Variants in UBE2H observed in about 807,000 individuals in gnomAD.
UBE2H encodes the protein ubiquitin conjugating enzyme E2 H.
UBE2H carries 3 observed loss-of-function variants against 29.0 expected under a neutral mutation model. The ratio of observed to expected loss-of-function variants is 0.10; its 90% confidence interval spans 0.05 to 0.27. UBE2H has a LOEUF of 0.27. Among genes scored for constraint, UBE2H ranks in the 10% least tolerant of loss-of-function variants. The probability of loss-of-function intolerance (pLI) is 1.00; values close to 1 mark genes in which losing one functional copy is unlikely to be tolerated. For synonymous variants in UBE2H, 69 were observed against 82.9 expected (o/e 0.83, Z 0.91); for missense variants, 68 against 228.2 (o/e 0.30, Z 4.52).
intron 1 of UBE2H, among the ~76,000 whole-genome samples, chr7:129,944,829 A>T (rs1807730483): frequency 6.6e-6 from 1 of 152,214 alleles, no homozygotes; most frequent in South Asian, 2.1e-4. Context: ...ATATCCATAC[A>T]ATGTTCATAG....
chr7:129,888,815 T>C (rs1371064909), intron 1 of UBE2H, among the ~76,000 whole-genome samples: 2 of 152,162 alleles, frequency 1.3e-5, no homozygotes, highest in African/African-American at 4.8e-5. Flanking sequence ...TCCAGAAGTT[T>C]GAAGTCTAGC....
intron 1 of UBE2H, among the ~76,000 whole-genome samples, chr7:129,915,952 CTCTA>C (rs934510903): frequency 1.3e-5 from 2 of 152,164 alleles, no homozygotes; most frequent in African/African-American, 4.8e-5. Flanking sequence ...ATTCCTTGAC[CTCTA>C]TCTGCCTCGT....
intron 1 of UBE2H, among the ~76,000 whole-genome samples, chr7:129,924,580 A>T (rs1257806973): frequency 6.6e-6 from 1 of 151,450 alleles, no homozygotes. Context: ...AGAAGGCAAT[A>T]CCAGGTATAC....
At chr7:129,875,018 G>T (rs1210668222) in intron 3 of UBE2H, among the ~76,000 whole-genome samples, 1 of 152,164 alleles carries the variant, frequency 6.6e-6, no homozygotes, top group African/African-American at 2.4e-5. Flanking sequence ...GCTACCACAG[G>T]GAATTCTGGC....
intron 5 of UBE2H, among the ~76,000 whole-genome samples, chr7:129,854,598 A>G (rs1187376500): frequency 6.6e-6 from 1 of 152,248 alleles, no homozygotes; most frequent in Non-Finnish European, 1.5e-5. Flanking sequence ...AGCTAATGTA[A>G]GTACACTAAC....
intron 5 of UBE2H, among the ~76,000 whole-genome samples, chr7:129,848,220 C>G (rs534231862): frequency 6.6e-6 from 1 of 152,134 alleles, no homozygotes; most frequent in Admixed American, 6.5e-5. Flanking sequence ...AAGACTCTGT[C>G]TCAAACAAAA....
intron 1 of UBE2H, among the ~76,000 whole-genome samples, chr7:129,936,603 A>T (rs1807533503): frequency 6.6e-6 from 1 of 151,730 alleles, no homozygotes; most frequent in South Asian, 2.1e-4. Flanking sequence ...CAAAAAAAAA[A>T]AAAAAATAGA....
chr7:129,910,565 C>A lies in UBE2H; in HGVS notation c.54-29594G>T, dbSNP rs116328405. 7.4e-3 allele frequency among the ~76,000 whole-genome samples: 1,119 copies of A among 152,140 alleles called. 6 individuals carry two copies. The highest frequency in any genetic ancestry group is 0.026 in the East Asian group (137 of 5,178). ...TTAAACCATGGGTGCTAAAGAGCAA[C>A]TAAGGAGTTTTAGGCAAGAAGTAGC... is the stretch of plus-strand genomic sequence containing the variant. On this transcript the variant is annotated intron_variant, in intron 1 of 6. Transcript: ENST00000355621.
At chr7:129,901,358 A>G (rs1303117908) in intron 1 of UBE2H, among the ~76,000 whole-genome samples, 1 of 152,040 alleles carries the variant, frequency 6.6e-6, no homozygotes, top group African/African-American at 2.4e-5. Context: ...TCTGGAGAGG[A>G]GTGTGGCACA....
At chr7:129,836,017 T>C (rs1171707223) in intron 6 of UBE2H, among the ~76,000 whole-genome samples, 1 of 152,216 alleles carries the variant, frequency 6.6e-6, no homozygotes, top group Non-Finnish European at 1.5e-5. Flanking sequence ...ACAGAATGTG[T>C]GATAAAGGCC....
intron 1 of UBE2H, among the ~76,000 whole-genome samples, chr7:129,900,035 CA>C (rs1177246883): frequency 6.6e-6 from 1 of 151,666 alleles, no homozygotes; most frequent in Non-Finnish European, 1.5e-5. Flanking sequence ...GAGGCTGAGG[CA>C]GGAGAATCGC....
chr7:129,877,999 T>G (rs1806180748), intron 3 of UBE2H, among the ~76,000 whole-genome samples: 1 of 152,198 alleles, frequency 6.6e-6, no homozygotes, highest in Non-Finnish European at 1.5e-5. Flanking sequence ...GAAATGTATC[T>G]GAATGAACTT....
chr7:129,834,674 G>A lies in UBE2H; in HGVS notation c.*263C>T, dbSNP rs1312695796. On this transcript the variant is annotated 3_prime_UTR_variant, in exon 7 of 7. Coordinates refer to ENST00000355621, the MANE Select transcript of UBE2H (RefSeq NM_003344.4). Reference sequence around the variant, plus strand: ...GTTCAGTAGCACACAGGCTGACTTGGCCACATGGACTCATGAATGCATGCA... The same window carrying A: ...GTTCAGTAGCACACAGGCTGACTTGACCACATGGACTCATGAATGCATGCA... 3.2e-6 allele frequency: 1 copy of A among 313,892 alleles called. No individual in the cohort carries two copies. Among genetic ancestry groups the A allele is most frequent in the Non-Finnish European group, 5.8e-6 (1 of 171,182 alleles). 19.4% of individuals were successfully genotyped at this position (313,892 alleles called of 1,614,324 possible).
At chr7:129,870,371 A>G (rs1806003784) in intron 3 of UBE2H, among the ~76,000 whole-genome samples, 1 of 152,198 alleles carries the variant, frequency 6.6e-6, no homozygotes, top group Admixed American at 6.5e-5. Context: ...GTCCCAGCAC[A>G]TTGGGAGGCC....
At chr7:129,855,109 G>C (rs1805681206) in intron 5 of UBE2H, among the ~76,000 whole-genome samples, 1 of 152,178 alleles carries the variant, frequency 6.6e-6, no homozygotes, top group Admixed American at 6.5e-5. Flanking sequence ...GCATATAACT[G>C]AATGTATTAA....
intron 1 of UBE2H, among the ~76,000 whole-genome samples, chr7:129,929,329 A>G (rs1165276109): frequency 6.6e-6 from 1 of 151,936 alleles, no homozygotes; most frequent in African/African-American, 2.4e-5. Context: ...AAAAAAAAAA[A>G]AAAAAGAAGA....
At chr7:129,930,064 A>G (rs1175798107) in intron 1 of UBE2H, among the ~76,000 whole-genome samples, 5 of 152,206 alleles carry the variant, frequency 3.3e-5, no homozygotes, top group African/African-American at 1.2e-4. Flanking sequence ...GGTTACAATT[A>G]AAGCACATCC....
At chr7:129,923,727 A>C (rs761915807) in intron 1 of UBE2H, among the ~76,000 whole-genome samples, 16 of 152,212 alleles carry the variant, frequency 1.1e-4, no homozygotes, top group Non-Finnish European at 1.8e-4. Flanking sequence ...GAAATTACAA[A>C]ATTATTTGAA....
intron 1 of UBE2H, among the ~76,000 whole-genome samples, chr7:129,898,376 G>A: frequency 6.6e-6 from 1 of 152,092 alleles, no homozygotes. Context: ...CAGTATAAAA[G>A]AAACCAACCT....
Sources: gnomAD v4.1 joint callset for allele counts (sites outside exome capture counted in the v4.1 genomes callset) on GRCh38, gnomAD v4.1.1 for gene constraint, MANE v1.5 for transcripts, NCBI Gene and HGNC (gene_info 2026-07-23, HGNC 2026-07-21) for gene names.